The following E2F2 variants were observed in gnomAD, a reference collection of about 807,000 sequenced individuals.
The protein encoded by E2F2 is transcription factor E2F2.
E2F2 carries 22 observed loss-of-function variants against 42.2 expected under a neutral mutation model. The ratio of observed to expected loss-of-function variants is 0.52; its 90% confidence interval spans 0.37 to 0.74. The LOEUF is 0.74. Ranked by LOEUF, E2F2 falls within the 30% of genes least tolerant of loss-of-function variation. The pLI is 0.00. For synonymous variants in E2F2, 248 were observed against 251.6 expected (o/e 0.99, Z 0.13); for missense variants, 481 against 557.8 (o/e 0.86, Z 1.39).
rs1643330275 is a variant in E2F2, at chr1:23,530,870, C to A, written c.-77G>T. The A allele has an allele frequency of 1.4e-6, 2 of 1,405,306 alleles. No homozygotes were observed. Among genetic ancestry groups the A allele is most frequent in the Non-Finnish European group, 1.8e-6 (2 of 1,082,674 alleles). The allele number at this position is 1,405,306 out of a possible 1,614,324, so 87.1% of individuals were successfully genotyped here. A position where few individuals can be genotyped will look rare whatever the true frequency, so the allele number is the denominator to read the frequency against. On this transcript the variant is annotated 5_prime_UTR_variant, in exon 1 of 7. It removes the in-frame stop codon of an upstream open reading frame in the 5' UTR. Transcript: ENST00000361729. The surrounding 1 kb of genome is among the most constrained non-coding windows in gnomAD (Gnocchi z 4.4). The stretch of plus-strand genomic sequence containing the variant: ...TGCGGGTTCCGGTGCTGCCGCCTTT[C>A]ACACGGCCCGCGGCATGGCGCGGAG...
chr1:23,521,179 G>C, intron 3 of E2F2, 108 bp from the exon 4 acceptor site: 1 of 1,245,792 alleles, frequency 8.0e-7, no homozygotes, highest in Non-Finnish European at 1.1e-6. Flanking sequence ...GAAATCAGTG[G>C]TCATGCCTGT....
At chr1:23,517,028 A>G (rs1643038699) in intron 5 of E2F2, among the ~76,000 whole-genome samples, 1 of 152,148 alleles carries the variant, frequency 6.6e-6, no homozygotes, top group African/African-American at 2.4e-5. Context: ...GAGAGAGCCC[A>G]CCTGGGAATG....
Position 23,530,883 on chromosome 1 carries a change from G to A in E2F2, c.-90C>T, listed in dbSNP as rs2124279285. 2 of 1,390,724 alleles carry A rather than the reference G, an allele frequency of 1.4e-6. No individual in the cohort carries two copies. Among genetic ancestry groups the A allele is most frequent in the South Asian group, 3.3e-5 (2 of 61,382 alleles). The allele number at this position is 1,390,724 out of a possible 1,614,324, so 86.1% of individuals were successfully genotyped here. On this transcript the variant is annotated 5_prime_UTR_variant, in exon 1 of 7. Coordinates refer to ENST00000361729, the MANE Select transcript of E2F2 (RefSeq NM_004091.4). This position sits in a 1 kb window ranked among gnomAD's most constrained non-coding sequence, Gnocchi z 4.4. ...GCTGCCGCCTTTCACACGGCCCGCG[G>A]CATGGCGCGGAGGCCGGGGGAAGCC...
In E2F2 at chr1:23,530,946, C is replaced by T. The variant is rs1214595260; in HGVS notation, c.-153G>A. 5.1e-6 allele frequency: 5 copies of T among 973,480 alleles called. No homozygotes were observed. Among genetic ancestry groups the T allele is most frequent in the Non-Finnish European group, 5.6e-6 (4 of 708,452 alleles). The allele number at this position is 973,480 out of a possible 1,614,324, so 60.3% of individuals were successfully genotyped here. A position where few individuals can be genotyped will look rare whatever the true frequency, so the allele number is the denominator to read the frequency against. On this transcript the variant is annotated 5_prime_UTR_variant, in exon 1 of 7. Transcript: ENST00000361729. The surrounding 1 kb of genome is among the most constrained non-coding windows in gnomAD (Gnocchi z 4.4). ...CTGCGGGGCAAGGCCGGACCCTCCCCTCCTGGCCCGCGGCCGAGCAGAGAG... is the reference window on the plus strand; with the variant it reads ...CTGCGGGGCAAGGCCGGACCCTCCCTTCCTGGCCCGCGGCCGAGCAGAGAG...
chr1:23,505,757 C>T (rs888954758), downstream of E2F2, among the ~76,000 whole-genome samples: 55 of 152,266 alleles, frequency 3.6e-4, no homozygotes, highest in African/African-American at 1.3e-3. Context: ...TTGCGATCCG[C>T]CCGCCTTGGA....
At chr1:23,517,766 G>C (rs979809849) in intron 5 of E2F2, among the ~76,000 whole-genome samples, 1 of 152,232 alleles carries the variant, frequency 6.6e-6, no homozygotes, top group Non-Finnish European at 1.5e-5. Flanking sequence ...GAGGTAATCA[G>C]AGAAGGCTTC....
chr1:23,531,002 C>G lies in E2F2; in HGVS notation c.-209G>C. ...CTTAGAGATCGCCGCTTGGAGATCG[C>G]CCGGCGGCTGCGGTGGTGGCACTGC... On this transcript the variant is annotated 5_prime_UTR_variant, in exon 1 of 7. Transcript: ENST00000361729. The G allele has an allele frequency of 1.9e-6, 1 of 531,232 alleles. No individual in the cohort carries two copies. The highest frequency in any genetic ancestry group is 3.4e-5 in the East Asian group (1 of 29,234). The allele number at this position is 531,232 out of a possible 1,614,324, so 32.9% of individuals were successfully genotyped here.
chr1:23,521,161 G>T, intron 3 of E2F2, 90 bp from the exon 4 acceptor site: 1 of 1,371,524 alleles, frequency 7.3e-7, no homozygotes, highest in Non-Finnish European at 9.6e-7. Context: ...GTGCTTCCCT[G>T]GGTTGTGGAA....
At chr1:23,523,243 G>C (rs531048492) in intron 2 of E2F2, among the ~76,000 whole-genome samples, 2 of 150,666 alleles carry the variant, frequency 1.3e-5, no homozygotes, top group East Asian at 2.0e-4. Flanking sequence ...ACTGCAACCT[G>C]CCTCCCAGGT....
chr1:23,525,359 C>T (rs930810375), intron 1 of E2F2, among the ~76,000 whole-genome samples: 8 of 152,232 alleles, frequency 5.3e-5, no homozygotes, highest in Middle Eastern at 3.4e-3. Context: ...TAGGGCTGGG[C>T]AGGGGCAGGG....
intron 2 of E2F2, 29 bp downstream of exon 2, chr1:23,524,354 A>AC: frequency 7.6e-7 from 1 of 1,310,238 alleles, no homozygotes. Flanking sequence ...GCCCCACCCC[A>AC]CCCCAGAGGC....
chr1:23,516,508 A>G lies in E2F2; in HGVS notation c.872T>C (p.Leu291Pro). The G allele has an allele frequency of 6.2e-7, 1 of 1,606,578 alleles. No individual in the cohort carries two copies. The highest frequency in any genetic ancestry group is 2.3e-5 in the East Asian group (1 of 44,126). ...TTCGATGGGCCCTTGGGTGCTCTTGAGATATATCTGCAGGTTGTCCTGGAG... is the reference window on the plus strand; with the variant it reads ...TTCGATGGGCCCTTGGGTGCTCTTGGGATATATCTGCAGGTTGTCCTGGAG... Reference protein sequence around the residue: ...DRTEDNLQIYLKSTQGPIEVY... With the variant: ...DRTEDNLQIYPKSTQGPIEVY... The change falls in exon 6 of 7, where the codon CTC becomes CCC. Residue 291 changes from leucine (L) to proline (P), a missense_variant. Transcript: ENST00000361729.
At chr1:23,513,121 T>TG (rs940812758) in intron 6 of E2F2, among the ~76,000 whole-genome samples, 14 of 150,676 alleles carry the variant, frequency 9.3e-5, no homozygotes, top group African/African-American at 2.9e-4. Flanking sequence ...CACATAAGTT[T>TG]TTTTTTTTTT....
intron 4 of E2F2, among the ~76,000 whole-genome samples, chr1:23,520,234 A>G (rs1311222182): frequency 1.6e-5 from 2 of 124,404 alleles, no homozygotes; most frequent in African/African-American, 6.8e-5. Context: ...CAAGAGTGAG[A>G]CTCTGTCTCA....
intron 2 of E2F2, among the ~76,000 whole-genome samples, chr1:23,522,466 C>T (rs1334384209): frequency 1.3e-5 from 2 of 152,156 alleles, no homozygotes; most frequent in African/African-American, 2.4e-5. Context: ...AATACTGAGG[C>T]ACAGTTTAAG....
In E2F2 at chr1:23,521,820, G is replaced by A; in HGVS notation, c.578+17C>T. The A allele has an allele frequency of 1.9e-6, 3 of 1,612,878 alleles. No homozygotes were observed. Among genetic ancestry groups the A allele is most frequent in the Non-Finnish European group, 1.7e-6 (2 of 1,179,748 alleles). ...AAGTACCCATTGGAGGGTACCACTG[G>A]CCGCCCAGGCACTCACACCCACTGG... On this transcript the variant is annotated intron_variant, in intron 3 of 6. Transcript: ENST00000361729.
At chr1:23,520,228 A>G (rs1483354275) in intron 4 of E2F2, among the ~76,000 whole-genome samples, 1 of 137,420 alleles carries the variant, frequency 7.3e-6, no homozygotes. Flanking sequence ...CCTGGGCAAG[A>G]GTGAGACTCT....
rs760200503 is a variant in E2F2, at chr1:23,516,311, TGTCCCTCTGGACAAG to T, written c.1045+9_1045+23del. 5.4e-6 allele frequency: 8 copies of T among 1,472,410 alleles called. No individual in the cohort carries two copies. The highest frequency in any genetic ancestry group is 7.2e-6 in the Non-Finnish European group (8 of 1,113,524). The allele number at this position is 1,472,410 out of a possible 1,614,324, so 91.2% of individuals were successfully genotyped here. On this transcript the variant is annotated intron_variant, in intron 6 of 6. Coordinates refer to ENST00000361729, the MANE Select transcript of E2F2 (RefSeq NM_004091.4). ...AAGGCCGGTCTCTCCCCCCACCTCCTGTCCCTCTGGACAAGGGACCTACCTGAGGATGCTGTGGGC... is the reference window on the plus strand; with the variant it reads ...AAGGCCGGTCTCTCCCCCCACCTCCTGGACCTACCTGAGGATGCTGTGGGC...
intron 1 of E2F2, among the ~76,000 whole-genome samples, chr1:23,529,839 C>T (rs1643309703): frequency 6.6e-6 from 1 of 152,200 alleles, no homozygotes; most frequent in Admixed American, 6.5e-5. Flanking sequence ...ATTCCACTCC[C>T]ACAAAACACA....
Sources: gnomAD v4.1 joint callset for allele counts (sites outside exome capture counted in the v4.1 genomes callset) on GRCh38, gnomAD v4.1.1 for gene constraint, Gnocchi (gnomAD v3.1) non-coding constraint, MANE v1.5 for transcripts, NCBI Gene and HGNC (gene_info 2026-07-23, HGNC 2026-07-21) for gene names.